GPR107: variants seen among roughly 807,000 people sequenced by gnomAD.
GPR107 encodes protein GPR107.
A neutral mutation model predicts 75.5 loss-of-function variants in GPR107; 31 were observed. That is an observed-to-expected ratio of 0.41 (90% CI 0.31 to 0.55). The LOEUF is 0.55. Ranked by LOEUF, GPR107 falls within the 20% of genes least tolerant of loss-of-function variation. The pLI, the probability that GPR107 is intolerant of heterozygous loss-of-function variation, is 0.26. For missense variants in GPR107, 572 were observed against 665.7 expected (o/e 0.86, Z 1.55); for synonymous variants, 267 against 251.3 (o/e 1.06, Z -0.59).
chr9:130,083,645 G>A (rs758108401), intron 6 of GPR107, 43 bp downstream of exon 6: 3 of 1,148,350 alleles, frequency 2.6e-6, no homozygotes, highest in South Asian at 1.8e-5. Flanking sequence ...TTCTGGATAT[G>A]TGTGTACGTG....
intron 2 of GPR107, among the ~76,000 whole-genome samples, chr9:130,076,022 C>T (rs192182817): frequency 8.1e-4 from 124 of 152,192 alleles, no homozygotes; most frequent in Non-Finnish European, 1.1e-3. Flanking sequence ...CCTCGTGATC[C>T]ACCCGCCTTG....
At chr9:130,108,503 G>T (rs944971891) in intron 14 of GPR107, among the ~76,000 whole-genome samples, 1 of 152,222 alleles carries the variant, frequency 6.6e-6, no homozygotes, top group African/African-American at 2.4e-5. Flanking sequence ...TCAGCCCTAG[G>T]TTGTTATTTA....
intron 17 of GPR107, among the ~76,000 whole-genome samples, chr9:130,134,190 TCTG>T (rs2132663349): frequency 6.6e-6 from 1 of 152,336 alleles, no homozygotes; most frequent in East Asian, 1.9e-4. Context: ...TCTGCCTAGT[TCTG>T]CTACTCACAG....
intron 1 of GPR107, among the ~76,000 whole-genome samples, chr9:130,068,481 T>C (rs965581774): frequency 2.6e-5 from 4 of 152,166 alleles, no homozygotes; most frequent in African/African-American, 9.7e-5. Context: ...ACATGTGGGT[T>C]AATATAAGTC....
intron 1 of GPR107, among the ~76,000 whole-genome samples, chr9:130,060,407 T>TG (rs1829900474): frequency 7.3e-6 from 1 of 137,760 alleles, no homozygotes; most frequent in African/African-American, 2.6e-5. Context: ...TCCGAGTTTT[T>TG]TTTTTTTTTT....
At chr9:130,126,911 C>T (rs917353022) in intron 15 of GPR107, among the ~76,000 whole-genome samples, 4 of 152,180 alleles carry the variant, frequency 2.6e-5, no homozygotes, top group Non-Finnish European at 5.9e-5. Context: ...GCCAGCTGAG[C>T]TTAGTCCCCT....
intron 13 of GPR107, among the ~76,000 whole-genome samples, 196 bp from the exon 14 acceptor site, chr9:130,107,300 G>A (rs1245581361): frequency 6.6e-6 from 1 of 152,152 alleles, no homozygotes; most frequent in African/African-American, 2.4e-5. Context: ...GGCCAGCAGA[G>A]GGCGACTTTA....
chr9:130,128,557 T>TAG, intron 16 of GPR107, 83 bp from the exon 17 acceptor site: 3 of 1,122,996 alleles, frequency 2.7e-6, no homozygotes, highest in Non-Finnish European at 4.0e-6. Context: ...TGTGGGGAAA[T>TAG]ATGTCAGTTT....
chr9:130,123,210 AT>A lies in GPR107; in HGVS notation c.1307-1693del, dbSNP rs1340463880. Among the ~76,000 whole-genome samples the A allele has an allele frequency of 8.8e-3, 1,288 of 146,762 alleles. 25 individuals are homozygous for A. Among genetic ancestry groups the A allele is most frequent in the African/African-American group, 0.03 (1,207 of 40,216 alleles). ...GGTACGTGCCATCACAAACAGCTAA[AT>A]TTTTTTTTTTTGAAACAGAGTGTTG... On this transcript the variant is annotated intron_variant, in intron 14 of 17. Coordinates refer to ENST00000347136, the MANE Select transcript of GPR107 (RefSeq NM_020960.5).
In GPR107 at chr9:130,083,636, T is replaced by C. The variant is rs1343411526; in HGVS notation, c.564+34T>C. 4 of 1,394,012 alleles carry C rather than the reference T, an allele frequency of 2.9e-6. No individual in the cohort carries two copies. In the South Asian group the frequency reaches 5.8e-5, roughly 20 times the overall value. The allele number at this position is 1,394,012 out of a possible 1,614,324, so 86.4% of individuals were successfully genotyped here. On this transcript the variant is annotated intron_variant, in intron 6 of 17. Transcript: ENST00000347136. ...TAACCACCCTTTTGTGCTCAGCTTT[T>C]CTGGATATGTGTGTACGTGTGTGTG...
At chr9:130,099,868 CTTTTTTTTTTTTTTTTT>C (rs71387314) in intron 10 of GPR107, among the ~76,000 whole-genome samples, 2 of 89,996 alleles carry the variant, frequency 2.2e-5, no homozygotes, top group African/African-American at 4.7e-5. Context: ...GTTTCCACGA[CTTTTTTTTTTTTTTTTT>C]TTTTTTTTTT....
chr9:130,114,473 C>A (rs1831376910), intron 14 of GPR107: 2 of 323,040 alleles, frequency 6.2e-6, no homozygotes, highest in Non-Finnish European at 6.1e-6. Flanking sequence ...ACCTCAAACT[C>A]CTAGGCTCAT....
chr9:130,124,746 T>C lies in GPR107; in HGVS notation c.1307-169T>C, dbSNP rs961690521. ...CTGCTCCCACATTTTTTCCTGGTGA[T>C]TGGAGGAGAGACCGCCCAGCGGACT... On this transcript the variant is annotated intron_variant, in intron 14 of 17. Coordinates refer to ENST00000347136, the MANE Select transcript of GPR107 (RefSeq NM_020960.5). Among the ~76,000 whole-genome samples the C allele has an allele frequency of 2.6e-5, 4 of 152,212 alleles. No homozygotes were observed. The South Asian group carries it at 8.3e-4, about 32-fold the overall frequency.
In GPR107 at chr9:130,123,704, A is replaced by C. The variant is rs551127289; in HGVS notation, c.1307-1211A>C. On this transcript the variant is annotated intron_variant, in intron 14 of 17. Coordinates refer to ENST00000347136, the MANE Select transcript of GPR107 (RefSeq NM_020960.5). ...AGGGAGGGGTTTCATCCTGTTGCCCAGGCTGGTCTCAAACTCCTGGGCTCA... is the reference window on the plus strand; with the variant it reads ...AGGGAGGGGTTTCATCCTGTTGCCCCGGCTGGTCTCAAACTCCTGGGCTCA... Among the ~76,000 whole-genome samples the C allele has an allele frequency of 2.0e-5, 3 of 151,374 alleles. No individual in the cohort carries two copies. In the South Asian group the frequency reaches 6.2e-4, roughly 32 times the overall value.
At chr9:130,075,783 T>TA in intron 2 of GPR107, 34 bp downstream of exon 2, 39 of 911,130 alleles carry the variant, frequency 4.3e-5, no homozygotes, top group African/African-American at 6.1e-5. Flanking sequence ...AGGGGTTTAC[T>TA]CTTTTTTTTT....
Position 130,083,578 on chromosome 9 carries a change from T to TAAAAG in GPR107, c.543_547dup (p.Ser183LysfsTer117). The TAAAAG allele has an allele frequency of 6.5e-7, 1 of 1,528,728 alleles. No homozygotes were observed. The highest frequency in any genetic ancestry group is 8.7e-7 in the Non-Finnish European group (1 of 1,147,328). The allele number at this position is 1,528,728 out of a possible 1,614,324, so 94.7% of individuals were successfully genotyped here. A position where few individuals can be genotyped will look rare whatever the true frequency, so the allele number is the denominator to read the frequency against. On this transcript the variant is annotated frameshift_variant, in exon 6 of 18. Transcript: ENST00000347136. LOFTEE classifies it high-confidence loss of function. ...TCTTGCTTCTAGATGGTGGAAAGTC[T>TAAAAG]AAAAGAAGTACAGTGGATTCAAAGG...
chr9:130,054,553 C>T lies in GPR107; in HGVS notation c.141+480C>T, dbSNP rs183282712. 2.6e-3 allele frequency among the ~76,000 whole-genome samples: 401 copies of T among 152,248 alleles called. 11 individuals carry two copies. Among genetic ancestry groups the T allele is most frequent in the East Asian group, 2.1e-3 (11 of 5,176 alleles). On this transcript the variant is annotated intron_variant, in intron 1 of 17. Coordinates refer to ENST00000347136, the MANE Select transcript of GPR107 (RefSeq NM_020960.5). ...TTAGGGCGCTCTCTGGAGCGAGACT[C>T]TAGAGAAGGAATTTCAAATCTTGCT...
chr9:130,054,554 T>G (rs141626803), intron 1 of GPR107, among the ~76,000 whole-genome samples: 1 of 152,198 alleles, frequency 6.6e-6, no homozygotes, highest in Non-Finnish European at 1.5e-5. Context: ...AGCGAGACTC[T>G]AGAGAAGGAA....
intron 14 of GPR107, among the ~76,000 whole-genome samples, chr9:130,122,619 T>A (rs1831574624): frequency 6.6e-6 from 1 of 152,192 alleles, no homozygotes; most frequent in Admixed American, 6.5e-5. Flanking sequence ...CCTTCTCTTC[T>A]CACAGGATAG....
Sources: gnomAD v4.1 joint callset for allele counts (sites outside exome capture counted in the v4.1 genomes callset) on GRCh38, gnomAD v4.1.1 for gene constraint, MANE v1.5 for transcripts, NCBI Gene and HGNC (gene_info 2026-07-23, HGNC 2026-07-21) for gene names.